Variants in PRTFDC1 observed in about 807,000 individuals in gnomAD.
The protein encoded by PRTFDC1 is phosphoribosyltransferase domain-containing protein 1.
Under a neutral mutation model 34.6 loss-of-function variants are expected in PRTFDC1, and 38 were observed. That is an observed-to-expected ratio of 1.10 (90% confidence interval 0.85 to 1.44). The LOEUF is 1.44. Ranked by LOEUF, PRTFDC1 falls within the 40% of genes most tolerant of loss-of-function variation. The pLI is 0.00. For missense variants in PRTFDC1, 270 were observed against 283.0 expected (o/e 0.95, Z 0.33); for synonymous variants, 93 against 98.1 (o/e 0.95, Z 0.31).
intron 3 of PRTFDC1, among the ~76,000 whole-genome samples, chr10:24,902,776 C>G (rs1848468908): frequency 6.6e-6 from 1 of 152,172 alleles, no homozygotes; most frequent in African/African-American, 2.4e-5. Context: ...TGCCTTGATA[C>G]TCTGACATAA....
At chr10:24,948,010 A>C (rs1477391568) in intron 1 of PRTFDC1, among the ~76,000 whole-genome samples, 2 of 152,154 alleles carry the variant, frequency 1.3e-5, no homozygotes, top group Non-Finnish European at 2.9e-5. Context: ...CCTCCTATCC[A>C]CATGCCTTCC....
At chr10:24,932,860 C>G (rs1303266751) in intron 3 of PRTFDC1, among the ~76,000 whole-genome samples, 1 of 152,072 alleles carries the variant, frequency 6.6e-6, no homozygotes, top group Non-Finnish European at 1.5e-5. Flanking sequence ...AGGACACATA[C>G]TACTTAATTT....
intron 3 of PRTFDC1, among the ~76,000 whole-genome samples, chr10:24,891,337 T>C (rs1848258182): frequency 6.6e-6 from 1 of 152,092 alleles, no homozygotes; most frequent in Non-Finnish European, 1.5e-5. Flanking sequence ...TTTCCTAATA[T>C]AACAAAACCT....
intron 1 of PRTFDC1, among the ~76,000 whole-genome samples, chr10:24,945,194 C>T (rs1022564678): frequency 6.6e-6 from 1 of 152,210 alleles, no homozygotes; most frequent in Non-Finnish European, 1.5e-5. Context: ...AGAACATGAG[C>T]TCCTTCTGGC....
rs79720410 is a variant in PRTFDC1, at chr10:24,927,149, T to A, written c.339+10035A>T. ...ACTTGCCTAGAGCAATGCTAGATGA[T>A]CTCTTTTTAGGCCAAACTAGATATT... On this transcript the variant is annotated intron_variant, in intron 3 of 8. Coordinates refer to ENST00000320152, the MANE Select transcript of PRTFDC1 (RefSeq NM_020200.7). 5.6e-4 allele frequency among the ~76,000 whole-genome samples: 85 copies of A among 152,298 alleles called. No homozygotes were observed. In the East Asian group the frequency reaches 0.015, roughly 27 times the overall value.
chr10:24,882,311 A>G lies in PRTFDC1; in HGVS notation c.340-10248T>C, dbSNP rs144877953. Among the ~76,000 whole-genome samples, 441 of 152,230 alleles carry G rather than the reference A, an allele frequency of 2.9e-3. 3 individuals carry two copies. Among genetic ancestry groups the G allele is most frequent in the Middle Eastern group, 0.027 (8 of 294 alleles). On this transcript the variant is annotated intron_variant, in intron 3 of 8. Coordinates refer to ENST00000320152, the MANE Select transcript of PRTFDC1 (RefSeq NM_020200.7). ...TGGCTTCCTCTGCATGGGTGCCCCA[A>G]TGACAGTATGCATATCTGGATGTCA...
chr10:24,869,040 A>G (rs939337490), intron 4 of PRTFDC1, among the ~76,000 whole-genome samples: 1 of 152,190 alleles, frequency 6.6e-6, no homozygotes, highest in Admixed American at 6.5e-5. Flanking sequence ...TGTGTTGGGA[A>G]CATTTCAAGT....
chr10:24,942,386 C>T lies in PRTFDC1; in HGVS notation c.99G>A (p.Gln33=), dbSNP rs1849175841. ...CATACTCCAAGTCTCCATAATAGTG[C>T]TGTGGGTACGTGAATAAATTCAAGT... ...GYDLNLFTYP[Q]HYYGDLEYVL... Residue 33 remains glutamine, a synonymous_variant, in exon 2 of 9, where the codon CAG becomes CAA. Coordinates refer to ENST00000320152, the MANE Select transcript of PRTFDC1 (RefSeq NM_020200.7). The T allele has an allele frequency of 6.2e-7, 1 of 1,613,902 alleles. No homozygotes were observed. Among genetic ancestry groups the T allele is most frequent in the African/African-American group, 1.3e-5 (1 of 75,008 alleles).
intron 3 of PRTFDC1, among the ~76,000 whole-genome samples, chr10:24,882,033 C>G (rs1156290332): frequency 6.6e-6 from 1 of 151,722 alleles, no homozygotes; most frequent in Non-Finnish European, 1.5e-5. Flanking sequence ...ACGGTAAAAC[C>G]CTGTCTCTAC....
intron 3 of PRTFDC1, among the ~76,000 whole-genome samples, chr10:24,899,329 T>C (rs1848415940): frequency 6.6e-6 from 1 of 152,114 alleles, no homozygotes; most frequent in Non-Finnish European, 1.5e-5. Context: ...TCTTGTGAGG[T>C]TAAAGCACAA....
intron 3 of PRTFDC1, among the ~76,000 whole-genome samples, chr10:24,903,144 GCTGAGATCGTGC>G (rs1848474862): frequency 6.6e-6 from 1 of 152,208 alleles, no homozygotes. Context: ...GTTGCAGTGA[GCTGAGATCGTGC>G]CTGAGATCGT....
At chr10:24,885,986 T>C (rs1265527334) in intron 3 of PRTFDC1, among the ~76,000 whole-genome samples, 1 of 151,954 alleles carries the variant, frequency 6.6e-6, no homozygotes, top group Non-Finnish European at 1.5e-5. Context: ...AGGGGTTAGG[T>C]GGGAGGCAGG....
chr10:24,947,996 A>G (rs1481811294), intron 1 of PRTFDC1, among the ~76,000 whole-genome samples: 1 of 151,980 alleles, frequency 6.6e-6, no homozygotes, highest in Non-Finnish European at 1.5e-5. Flanking sequence ...CGACAGGCCA[A>G]CCACCTCCTA....
In PRTFDC1 at chr10:24,848,686, C is replaced by A; in HGVS notation, c.*1158G>T. 6.6e-6 allele frequency: 1 copy of A among 152,150 alleles called. No individual in the cohort carries two copies. Among genetic ancestry groups the A allele is most frequent in the South Asian group, 2.1e-4 (1 of 4,824 alleles). The allele number at this position is 152,150 out of a possible 1,614,324, so 9.4% of individuals were successfully genotyped here. ...GAACCTAATAACAATACGCCACATA[C>A]GGTTCAGAACCAAACAAAAGCTGCT... On this transcript the variant is annotated 3_prime_UTR_variant, in exon 9 of 9. Coordinates refer to ENST00000320152, the MANE Select transcript of PRTFDC1 (RefSeq NM_020200.7).
At chr10:24,897,797 T>C (rs776261939) in intron 3 of PRTFDC1, among the ~76,000 whole-genome samples, 4 of 152,190 alleles carry the variant, frequency 2.6e-5, no homozygotes, top group African/African-American at 9.6e-5. Flanking sequence ...GATATATACA[T>C]GAAATGCAAC....
At chr10:24,891,999 A>G (rs961491504) in intron 3 of PRTFDC1, among the ~76,000 whole-genome samples, 1 of 152,152 alleles carries the variant, frequency 6.6e-6, no homozygotes, top group Non-Finnish European at 1.5e-5. Context: ...TGTATCTACC[A>G]CATCATCTTC....
intron 1 of PRTFDC1, among the ~76,000 whole-genome samples, chr10:24,948,384 T>A (rs10741072): frequency 0.39 from 58,611 of 152,062 alleles, 12,497 homozygotes; most frequent in Middle Eastern, 0.53. Context: ...CAAAGAGGTA[T>A]CAACCAGGAA....
In PRTFDC1 at chr10:24,920,330, T is replaced by C. The variant is rs541615151; in HGVS notation, c.339+16854A>G. Among the ~76,000 whole-genome samples the C allele has an allele frequency of 9.2e-5, 14 of 152,028 alleles. No homozygotes were observed. The East Asian group carries it at 1.9e-3, about 21-fold the overall frequency. On this transcript the variant is annotated intron_variant, in intron 3 of 8. Transcript: ENST00000320152. ...ATATATGTGTGTGTATATATATATA[T>C]ACCATGGAATACTATGCAGCCATCA...
chr10:24,851,400 G>A lies in PRTFDC1; in HGVS notation c.618C>T (p.Phe206=). The A allele has an allele frequency of 6.2e-7, 1 of 1,611,208 alleles. No individual in the cohort carries two copies. The highest frequency in any genetic ancestry group is 8.5e-7 in the Non-Finnish European group (1 of 1,179,380). Residue 206 remains phenylalanine (F), a synonymous_variant, in exon 8 of 9, where the codon TTC becomes TTT. Transcript: ENST00000320152. ...ATGCAAGACTTACATTCAGATCTCT[G>A]AAGTATTCATTGTAATCTAAGGCAT... ...VGYALDYNEY[F]RDLNHICVIN... is the part of the protein sequence containing the mutation.
Sources: gnomAD v4.1 joint callset for allele counts (sites outside exome capture counted in the v4.1 genomes callset) on GRCh38, gnomAD v4.1.1 for gene constraint, MANE v1.5 for transcripts, NCBI Gene and HGNC (gene_info 2026-07-23, HGNC 2026-07-21) for gene names.